The following ICA1L variants were observed in gnomAD, a reference collection of about 807,000 sequenced individuals.
The protein encoded by ICA1L is islet cell autoantigen 1 like.
Under a neutral mutation model 61.3 loss-of-function variants are expected in ICA1L, and 50 were observed. The observed-to-expected ratio is 0.82, with a 90% CI of 0.65 to 1.03. The LOEUF (loss-of-function observed/expected upper bound fraction) is 1.03. Ranked by LOEUF, ICA1L falls within the 50% of genes least tolerant of loss-of-function variation. ICA1L has a pLI of 0.00. For synonymous variants in ICA1L, 161 were observed against 191.3 expected, an observed-to-expected ratio of 0.84 and a Z score of 1.31; for missense variants, 508 against 556.7, an observed-to-expected ratio of 0.91 and a Z score of 0.88.
At chr2:202,785,256 A>G (rs985140768) in intron 12 of ICA1L, among the ~76,000 whole-genome samples, 1 of 151,734 alleles carries the variant, frequency 6.6e-6, no homozygotes, top group Non-Finnish European at 1.5e-5. Context: ...AAAGGTTAAT[A>G]TGGTAACCAA....
intron 1 of ICA1L, among the ~76,000 whole-genome samples, chr2:202,861,939 C>CT (rs144579510): frequency 0.033 from 4,035 of 122,996 alleles, 70 homozygotes; most frequent in African/African-American, 0.046. Flanking sequence ...AAGCCTCCGC[C>CT]TTTTTTTTTT....
chr2:202,785,609 T>G (rs533732090), intron 12 of ICA1L, among the ~76,000 whole-genome samples: 6 of 152,216 alleles, frequency 3.9e-5, no homozygotes, highest in Middle Eastern at 3.4e-3. Flanking sequence ...TGTATTTTAG[T>G]AGAGTTGGGG....
chr2:202,779,517 G>C lies in ICA1L; in HGVS notation c.*16C>G. On this transcript the variant is annotated 3_prime_UTR_variant, in exon 13 of 13. Transcript: ENST00000358299. ...ATTGATGTCTCAAGGCCACTGAAGT[G>C]ACATTATAACTTCAGTCAAGCATTA... is the stretch of plus-strand genomic sequence containing the variant. The C allele has an allele frequency of 6.9e-7, 1 of 1,449,456 alleles. No homozygotes were observed. Among genetic ancestry groups the C allele is most frequent in the Non-Finnish European group, 9.7e-7 (1 of 1,036,236 alleles). 89.8% of individuals were successfully genotyped at this position (1,449,456 alleles called of 1,614,324 possible).
intron 10 of ICA1L, among the ~76,000 whole-genome samples, chr2:202,793,240 T>C (rs1692809889): frequency 6.6e-6 from 1 of 151,968 alleles, no homozygotes; most frequent in South Asian, 2.1e-4. Context: ...TAGAAAAATG[T>C]AATTTACTAA....
intron 10 of ICA1L, 87 bp from the exon 11 acceptor site, chr2:202,789,174 G>T: frequency 9.2e-7 from 1 of 1,081,402 alleles, no homozygotes; most frequent in Non-Finnish European, 1.4e-6. Flanking sequence ...TTGTTTCATT[G>T]TTTTCATACT....
At position 202,832,596 on chromosome 2, in the gene ICA1L, TAC is replaced by T. The variant is rs540345099; in HGVS notation, c.-7-3582_-7-3581del. Among the ~76,000 whole-genome samples, 520 of 152,212 alleles carry T rather than the reference TAC, an allele frequency of 3.4e-3. 3 individuals carry two copies. Among genetic ancestry groups the T allele is most frequent in the African/African-American group, 0.012 (489 of 41,538 alleles). ...ACAAGTAAAACTCAAACTCTCCAGT[TAC>T]AAAGTTCAGTAACTGTAATTTAAAA... On this transcript the variant is annotated intron_variant, in intron 1 of 12. Coordinates refer to ENST00000358299, the MANE Select transcript of ICA1L (RefSeq NM_001288622.3).
chr2:202,811,694 A>G (rs1426344424), intron 9 of ICA1L, 52 bp downstream of exon 9: 5 of 1,203,034 alleles, frequency 4.2e-6, no homozygotes, highest in Non-Finnish European at 6.0e-6. Flanking sequence ...GTGATAAACT[A>G]TTTTGACATT....
In ICA1L at chr2:202,773,258, C is replaced by T. The variant is rs1164791675; in HGVS notation, c.*6275G>A. 1.3e-5 allele frequency: 2 copies of T among 152,132 alleles called. No individual in the cohort carries two copies. Among genetic ancestry groups the T allele is most frequent in the Non-Finnish European group, 2.9e-5 (2 of 68,030 alleles). The allele number at this position is 152,132 out of a possible 1,614,324, so 9.4% of individuals were successfully genotyped here. Reference sequence around the variant, plus strand: ...AAATTTTTGTAAGTACATGAAATTTCTATTTGATTATGTGGTTTTATATCA... The same window carrying T: ...AAATTTTTGTAAGTACATGAAATTTTTATTTGATTATGTGGTTTTATATCA... On this transcript the variant is annotated 3_prime_UTR_variant, in exon 13 of 13. Transcript: ENST00000358299.
chr2:202,821,581 A>T, intron 3 of ICA1L, 100 bp from the exon 4 acceptor site: 1 of 819,936 alleles, frequency 1.2e-6, no homozygotes, highest in East Asian at 3.0e-5. Context: ...TCTATACAAG[A>T]TTTACTTAGG....
In ICA1L at chr2:202,785,966, T is replaced by A. The variant is rs1692565848; in HGVS notation, c.1285A>T (p.Thr429Ser). Residue 429 changes from threonine to serine, a missense_variant, in exon 12 of 13, where the codon ACT becomes TCT. Physicochemically the swap from Thr to Ser is moderately conservative, Grantham distance 58 (BLOSUM62 1). Transcript: ENST00000358299. ...TGTGAAGGCACTGGCTGGTTATCAG[T>A]GTGTGAAAGACAAAGTTCTGATTCC... ...QEESELCLSH[T>S]DNQPVPSQSP... The A allele has an allele frequency of 6.2e-7, 1 of 1,610,278 alleles. No homozygotes were observed. The highest frequency in any genetic ancestry group is 8.5e-7 in the Non-Finnish European group (1 of 1,177,182).
intron 10 of ICA1L, among the ~76,000 whole-genome samples, chr2:202,793,781 G>GT (rs1692831655): frequency 6.6e-6 from 1 of 152,018 alleles, no homozygotes; most frequent in Non-Finnish European, 1.5e-5. Context: ...GAGGTCAGGA[G>GT]TTTGAGACCA....
intron 11 of ICA1L, chr2:202,786,671 C>G (rs1012197812): frequency 9.0e-6 from 4 of 445,484 alleles, no homozygotes; most frequent in East Asian, 7.0e-5. Context: ...TAAATATGCT[C>G]ATACCCTTGG....
At chr2:202,827,180 G>C (rs982553878) in intron 2 of ICA1L, among the ~76,000 whole-genome samples, 6 of 152,246 alleles carry the variant, frequency 3.9e-5, no homozygotes, top group Middle Eastern at 3.4e-3. Flanking sequence ...GATCGCCTGA[G>C]GTCAGGAGTT....
At chr2:202,857,581 G>A (rs919243033) in intron 1 of ICA1L, among the ~76,000 whole-genome samples, 15 of 152,010 alleles carry the variant, frequency 9.9e-5, no homozygotes, top group Admixed American at 9.2e-4. Flanking sequence ...ACTTCATGAC[G>A]AAAACACCAA....
intron 4 of ICA1L, among the ~76,000 whole-genome samples, chr2:202,820,207 C>T (rs1273506266): frequency 2.0e-5 from 3 of 152,086 alleles, no homozygotes; most frequent in African/African-American, 7.2e-5. Flanking sequence ...AACCCTGTCT[C>T]TACTAAAAAT....
chr2:202,830,766 A>G (rs1389349979), intron 1 of ICA1L, among the ~76,000 whole-genome samples: 1 of 152,220 alleles, frequency 6.6e-6, no homozygotes, highest in African/African-American at 2.4e-5. Context: ...CAAAAGAGCC[A>G]GAAAAACTTT....
At position 202,779,007 on chromosome 2, in the gene ICA1L, ACT is replaced by A. The variant is rs1692312452; in HGVS notation, c.*524_*525del. 1 of 152,332 alleles carries A rather than the reference ACT, an allele frequency of 6.6e-6. No individual in the cohort carries two copies. Among genetic ancestry groups the A allele is most frequent in the South Asian group, 2.1e-4 (1 of 4,832 alleles). 9.4% of individuals were successfully genotyped at this position (152,332 alleles called of 1,614,324 possible). A position where few individuals can be genotyped will look rare whatever the true frequency, so the allele number is the denominator to read the frequency against. ...AAAGCAAACTGAGTTCTCAAATCTT[ACT>A]CTCTCTAACCCAAAACAAAGCTGGT... is the stretch of plus-strand genomic sequence containing the variant. On this transcript the variant is annotated 3_prime_UTR_variant, in exon 13 of 13. Coordinates refer to ENST00000358299, the MANE Select transcript of ICA1L (RefSeq NM_001288622.3).
chr2:202,795,166 T>C (rs1692888572), intron 10 of ICA1L, among the ~76,000 whole-genome samples: 1 of 151,278 alleles, frequency 6.6e-6, no homozygotes, highest in Admixed American at 6.6e-5. Flanking sequence ...TAATTTTGTA[T>C]ATTTAGTAGA....
At position 202,776,391 on chromosome 2, in the gene ICA1L, A is replaced by G. The variant is rs563506486; in HGVS notation, c.*3142T>C. On this transcript the variant is annotated 3_prime_UTR_variant, in exon 13 of 13. Transcript: ENST00000358299. Reference sequence around the variant, plus strand: ...TATTTCTCCCCATTTAACATAAAAAATATCTATTTTGAGGGTTGTTCTCAG... The same window carrying G: ...TATTTCTCCCCATTTAACATAAAAAGTATCTATTTTGAGGGTTGTTCTCAG... 1.3e-5 allele frequency: 2 copies of G among 152,180 alleles called. No individual in the cohort carries two copies. The highest frequency in any genetic ancestry group is 2.9e-5 in the Non-Finnish European group (2 of 68,036). 9.4% of individuals were successfully genotyped at this position (152,180 alleles called of 1,614,324 possible).
Sources: gnomAD v4.1 joint callset for allele counts (sites outside exome capture counted in the v4.1 genomes callset) on GRCh38, gnomAD v4.1.1 for gene constraint, MANE v1.5 for transcripts, NCBI Gene and HGNC (gene_info 2026-07-23, HGNC 2026-07-21) for gene names.